Variants in AMBRA1 observed in about 807,000 individuals in gnomAD.
AMBRA1 encodes the protein activating molecule in BECN1-regulated autophagy protein 1.
A neutral mutation model predicts 125.4 loss-of-function variants in AMBRA1; 47 were observed. The ratio of observed to expected loss-of-function variants is 0.37; its 90% confidence interval spans 0.30 to 0.48. The LOEUF is 0.48. Among genes scored for constraint, AMBRA1 ranks in the 20% least tolerant of loss-of-function variants. The pLI is 0.99. For synonymous variants in AMBRA1, 626 were observed against 655.5 expected (o/e 0.95, Z 0.69); for missense variants, 1,331 against 1,693.4 (o/e 0.79, Z 3.76).
chr11:46,432,250 T>C (rs923335291), intron 14 of AMBRA1, among the ~76,000 whole-genome samples: 34 of 152,180 alleles, frequency 2.2e-4, no homozygotes, highest in Non-Finnish European at 8.8e-5. Flanking sequence ...AGAGGTACAA[T>C]GATAGCACAA....
chr11:46,547,173 G>A lies in AMBRA1; in HGVS notation c.318C>T (p.Thr106=), dbSNP rs780440554. 1 of 1,614,172 alleles carries A rather than the reference G, an allele frequency of 6.2e-7. No homozygotes were observed. Among genetic ancestry groups the A allele is most frequent in the South Asian group, 1.1e-5 (1 of 91,066 alleles). The change falls in exon 4 of 18, where the codon ACC becomes ACT. Residue 106 remains threonine, a synonymous_variant. Coordinates refer to ENST00000683756, the MANE Select transcript of AMBRA1 (RefSeq NM_001387011.1). ...AGCCAGAAGCAATAAGGCCTGAGATGGTGGGATGAAAAGTGACACACCATG... is the reference window on the plus strand; with the variant it reads ...AGCCAGAAGCAATAAGGCCTGAGATAGTGGGATGAAAAGTGACACACCATG... ...RTPWCVTFHP[T]ISGLIASGCL... is the part of the protein sequence containing the mutation.
chr11:46,557,810 A>G (rs2043203485), intron 1 of AMBRA1, among the ~76,000 whole-genome samples: 1 of 151,852 alleles, frequency 6.6e-6, no homozygotes, highest in South Asian at 2.1e-4. Context: ...CCTGACTCAA[A>G]AAACAAACAA....
chr11:46,470,120 T>C (rs1456431495), intron 11 of AMBRA1, among the ~76,000 whole-genome samples: 1 of 152,140 alleles, frequency 6.6e-6, no homozygotes, highest in African/African-American at 2.4e-5. Context: ...AAAGAAAACA[T>C]GCCAAGTGCC....
chr11:46,413,312 A>G (rs372318397), intron 15 of AMBRA1, among the ~76,000 whole-genome samples: 6 of 152,060 alleles, frequency 3.9e-5, no homozygotes, highest in Non-Finnish European at 8.8e-5. Flanking sequence ...CCCCATCCCA[A>G]TCCTTTCTGC....
chr11:46,563,363 T>C (rs577499363), intron 1 of AMBRA1, among the ~76,000 whole-genome samples: 2 of 152,308 alleles, frequency 1.3e-5, no homozygotes, highest in Admixed American at 1.3e-4. Context: ...AAGCTGGGAC[T>C]ACAGGTGTAT....
chr11:46,403,280 C>T (rs1034963710), intron 17 of AMBRA1, among the ~76,000 whole-genome samples: 1 of 152,210 alleles, frequency 6.6e-6, no homozygotes, highest in African/African-American at 2.4e-5. Context: ...CCCTTCCTGA[C>T]CTCTGGGAGT....
intron 14 of AMBRA1, among the ~76,000 whole-genome samples, chr11:46,430,401 T>G (rs1947399060): frequency 6.6e-6 from 1 of 152,228 alleles, no homozygotes; most frequent in Non-Finnish European, 1.5e-5. Context: ...GAAATCTTGT[T>G]TTAAAAATAC....
chr11:46,547,005 A>T, intron 4 of AMBRA1, 108 bp downstream of exon 4: 1 of 1,011,458 alleles, frequency 9.9e-7, no homozygotes, highest in Non-Finnish European at 1.4e-6. Context: ...TGGGAGACGG[A>T]GGTTGCAGCG....
chr11:46,545,172 G>GGC (rs1952953643), intron 5 of AMBRA1, among the ~76,000 whole-genome samples: 2 of 138,626 alleles, frequency 1.4e-5, no homozygotes, highest in African/African-American at 2.8e-5. Flanking sequence ...GGGGGGGGGG[G>GGC]GGTGGTGGTG....
At chr11:46,412,916 A>C (rs187593741) in intron 15 of AMBRA1, among the ~76,000 whole-genome samples, 83 of 152,322 alleles carry the variant, frequency 5.4e-4, no homozygotes, top group African/African-American at 1.9e-3. Context: ...TGCCAGGAAG[A>C]CTGATTTACA....
In AMBRA1 at chr11:46,542,463, C is replaced by T; in HGVS notation, c.1554G>A (p.Gln518=). The T allele has an allele frequency of 6.2e-7, 1 of 1,613,990 alleles. No homozygotes were observed. Among genetic ancestry groups the T allele is most frequent in the East Asian group, 2.2e-5 (1 of 44,876 alleles). Residue 518 remains glutamine (Q), a synonymous_variant, in exon 7 of 18, where the codon CAG becomes CAA. Coordinates refer to ENST00000683756, the MANE Select transcript of AMBRA1 (RefSeq NM_001387011.1). The surrounding 1 kb of genome is among the most constrained non-coding windows in gnomAD (Gnocchi z 5.9). ...LEYDRLQELD[Q]SLSGEAPQTQ... ...TCTGGGGAGCTTCCCCACTCAGGCT[C>T]TGATCCAGCTCCTGAAGCCGGTCAT...
chr11:46,517,885 T>TA (rs1303800729), intron 7 of AMBRA1, among the ~76,000 whole-genome samples: 3 of 144,836 alleles, frequency 2.1e-5, no homozygotes, highest in East Asian at 4.1e-4. Flanking sequence ...AGCTTAAATA[T>TA]AAAAAACTAT....
chr11:46,499,916 T>C (rs995255025), intron 9 of AMBRA1, among the ~76,000 whole-genome samples: 15 of 152,150 alleles, frequency 9.9e-5, no homozygotes, highest in Admixed American at 1.3e-4. Context: ...GCCTCCAAAG[T>C]ACTGGGATTA....
chr11:46,573,529 T>A (rs1451318579), intron 1 of AMBRA1, among the ~76,000 whole-genome samples: 2 of 152,180 alleles, frequency 1.3e-5, no homozygotes, highest in African/African-American at 2.4e-5. Context: ...AACTTTGACA[T>A]AATTTCCAGA....
intron 1 of AMBRA1, among the ~76,000 whole-genome samples, chr11:46,586,621 T>C (rs2135335993): frequency 6.6e-6 from 1 of 152,342 alleles, no homozygotes; most frequent in South Asian, 2.1e-4. Flanking sequence ...TGGAAAACTT[T>C]ATTTTGTTAT....
intron 17 of AMBRA1, among the ~76,000 whole-genome samples, chr11:46,406,361 T>A: frequency 9.2e-6 from 1 of 109,136 alleles, no homozygotes; most frequent in Non-Finnish European, 1.8e-5. Context: ...GCTGAGACTC[T>A]ATCTTTAAAT....
intron 17 of AMBRA1, 87 bp downstream of exon 17, chr11:46,408,426 G>C: frequency 7.6e-7 from 1 of 1,321,546 alleles, no homozygotes. Context: ...CCAGACATGG[G>C]AGGGGGTATG....
At chr11:46,422,730 C>T (rs1415675478) in intron 14 of AMBRA1, among the ~76,000 whole-genome samples, 1 of 151,882 alleles carries the variant, frequency 6.6e-6, no homozygotes, top group Admixed American at 6.6e-5. Flanking sequence ...AAGCAGCAAA[C>T]GGCACTGTTC....
Position 46,585,696 on chromosome 11 carries a change from ATATATATATAT to A in AMBRA1, c.-121+8121_-121+8131del, listed in dbSNP as rs1161238929. 5.6e-3 allele frequency among the ~76,000 whole-genome samples: 90 copies of A among 16,082 alleles called. 3 individuals are homozygous for A. Among genetic ancestry groups the A allele is most frequent in the Non-Finnish European group, 7.8e-3 (64 of 8,164 alleles). The allele number at this position is 16,082 out of a possible 152,430, so 10.6% of individuals were successfully genotyped here. A position where few individuals can be genotyped will look rare whatever the true frequency, so the allele number is the denominator to read the frequency against. On this transcript the variant is annotated intron_variant, in intron 1 of 17. Coordinates refer to ENST00000683756, the MANE Select transcript of AMBRA1 (RefSeq NM_001387011.1). ...AAAAAAAAAAAAAAAAAAAAAAAAA[ATATATATATAT>A]ATATATATATATATATTCCTAGCTT...
Sources: gnomAD v4.1 joint callset for allele counts (sites outside exome capture counted in the v4.1 genomes callset) on GRCh38, gnomAD v4.1.1 for gene constraint, Gnocchi (gnomAD v3.1) non-coding constraint, MANE v1.5 for transcripts, NCBI Gene and HGNC (gene_info 2026-07-23, HGNC 2026-07-21) for gene names.